Variants in ENG observed in about 807,000 individuals in gnomAD.
ENG encodes the protein CD105 antigen.
ENG carries 17 observed loss-of-function variants against 71.0 expected under a neutral mutation model. That is an observed-to-expected ratio of 0.24 (90% CI 0.16 to 0.36). The LOEUF (loss-of-function observed/expected upper bound fraction) is 0.36. Ranked by LOEUF, ENG falls within the 10% of genes least tolerant of loss-of-function variation. The pLI, the probability that ENG is intolerant of heterozygous loss-of-function variation, is 1.00. For synonymous variants in ENG, 360 were observed against 366.9 expected (o/e 0.98, Z 0.21); for missense variants, 749 against 868.3 (o/e 0.86, Z 1.73).
At position 127,836,273 on chromosome 9, in the gene ENG, G is replaced by A. The variant is rs758025761; in HGVS notation, c.220-6446C>T. ...CTGGCCAGCCCCTCACCCCCAGCCC[G>A]GCCAGCCTGCGCCTACCCAGCCCCC... On this transcript the variant is annotated intron_variant, in intron 2 of 14. Coordinates refer to ENST00000373203, the MANE Select transcript of ENG (RefSeq NM_001114753.3). This position sits in a 1 kb window ranked among gnomAD's most constrained non-coding sequence, Gnocchi z 4.0. 2.6e-5 allele frequency among the ~76,000 whole-genome samples: 4 copies of A among 152,174 alleles called. No homozygotes were observed. Among genetic ancestry groups the A allele is most frequent in the Non-Finnish European group, 5.9e-5 (4 of 68,022 alleles).
intron 13 of ENG, chr9:127,816,655 G>GA (rs1830324840): frequency 4.1e-6 from 1 of 246,822 alleles, no homozygotes; most frequent in Admixed American, 5.0e-5. Flanking sequence ...GGGTGGCAAA[G>GA]AGGTAGGTGC....
intron 1 of ENG, among the ~76,000 whole-genome samples, chr9:127,853,221 G>C (rs1270484573): frequency 6.6e-6 from 1 of 152,178 alleles, no homozygotes; most frequent in Non-Finnish European, 1.5e-5. Context: ...CAGAGCTTTA[G>C]AGACCCAGAA....
At chr9:127,842,581 C>T (rs1362351255) in intron 2 of ENG, among the ~76,000 whole-genome samples, 5 of 151,962 alleles carry the variant, frequency 3.3e-5, no homozygotes, top group Admixed American at 1.3e-4. Flanking sequence ...CTCACCACCA[C>T]GCCCAACTAA....
intron 10 of ENG, chr9:127,819,127 C>T (rs1458167286): frequency 3.7e-5 from 14 of 377,032 alleles, no homozygotes; most frequent in East Asian, 6.6e-5. Flanking sequence ...TTAGTAGATA[C>T]GGGGTTTCAC....
chr9:127,852,770 G>A (rs1251131710), intron 1 of ENG, among the ~76,000 whole-genome samples: 1 of 151,810 alleles, frequency 6.6e-6, no homozygotes, highest in African/African-American at 2.4e-5. Context: ...AAGTCAGCCG[G>A]GTGGGAGTAC....
intron 11 of ENG, 60 bp from the exon 12 acceptor site, chr9:127,818,437 CT>C (rs1404879254): frequency 6.2e-7 from 1 of 1,601,992 alleles, no homozygotes; most frequent in Non-Finnish European, 8.5e-7. Context: ...ACCCCACCTG[CT>C]GCCTTCAAAT....
intron 8 of ENG, chr9:127,822,535 T>C (rs41509551): frequency 6.6e-6 from 1 of 152,234 alleles, no homozygotes; most frequent in South Asian, 2.1e-4. Flanking sequence ...TTTTTGCATA[T>C]TTATAATACT....
chr9:127,837,774 G>GAATGCATCCATCCATC, intron 2 of ENG, among the ~76,000 whole-genome samples: 1 of 112,962 alleles, frequency 8.9e-6, no homozygotes, highest in African/African-American at 4.7e-5. Context: ...ATGCATGAAT[G>GAATGCATCCATCCATC]CATCCATCCA....
At position 127,826,662 on chromosome 9, in the gene ENG, A is replaced by G; in HGVS notation, c.371T>C (p.Leu124Pro). ...IPLHLAYNSSLVTFQEPPGVN... is the reference protein window; with the variant it reads ...IPLHLAYNSSPVTFQEPPGVN... ...CCCCGGGGGCTCTTGGAAGGTGACC[A>G]GGCTGGAATTCTGGGGAGACATGTG... The change falls in exon 4 of 15, where the codon CTG becomes CCG. Residue 124 changes from leucine (L) to proline (P), a missense_variant. By Grantham distance (98) the Leu-to-Pro change is moderately conservative. Transcript: ENST00000373203. The G allele has an allele frequency of 6.2e-7, 1 of 1,613,720 alleles. No homozygotes were observed. Among genetic ancestry groups the G allele is most frequent in the Non-Finnish European group, 8.5e-7 (1 of 1,179,984 alleles).
Position 127,854,175 on chromosome 9 carries a change from A to C in ENG, c.67+114T>G, listed in dbSNP as rs188217495. On this transcript the variant is annotated intron_variant, in intron 1 of 14. Coordinates refer to ENST00000373203, the MANE Select transcript of ENG (RefSeq NM_001114753.3). ...GGGTTGGTGACCCTCCAGAGCCCCAAGGATGGCTCTGCTGGGCGTGAGCTC... is the reference window on the plus strand; with the variant it reads ...GGGTTGGTGACCCTCCAGAGCCCCACGGATGGCTCTGCTGGGCGTGAGCTC... The C allele has an allele frequency of 8.1e-6, 9 of 1,107,294 alleles. No individual in the cohort carries two copies. In the African/African-American group the frequency reaches 1.2e-4, roughly 15 times the overall value. 68.6% of individuals were successfully genotyped at this position (1,107,294 alleles called of 1,614,324 possible). A position where few individuals can be genotyped will look rare whatever the true frequency, so the allele number is the denominator to read the frequency against.
At chr9:127,816,818 CCT>C (rs1468831013) in intron 13 of ENG, 5 of 441,972 alleles carry the variant, frequency 1.1e-5, no homozygotes, top group African/African-American at 1.0e-4. Flanking sequence ...CCTCAAAGGG[CCT>C]CTGTCTCACC....
rs1830946392 is a variant in ENG at position 127,838,066 on chromosome 9, A to G, written c.219+5028T>C. Among the ~76,000 whole-genome samples the G allele has an allele frequency of 6.6e-6, 1 of 152,148 alleles. No individual in the cohort carries two copies. Among genetic ancestry groups the G allele is most frequent in the African/African-American group, 2.4e-5 (1 of 41,420 alleles). ...AGGGTGCTCATGTGTCCACATGTGG[A>G]CAGCTCAGCCCGGATACCCAAACTC... On this transcript the variant is annotated intron_variant, in intron 2 of 14. Coordinates refer to ENST00000373203, the MANE Select transcript of ENG (RefSeq NM_001114753.3). This position sits in a 1 kb window ranked among gnomAD's most constrained non-coding sequence, Gnocchi z 4.3.
Position 127,819,666 on chromosome 9 carries a change from G to A in ENG, c.1273-6C>T, listed in dbSNP as rs1830425947. On this transcript the variant is annotated splice_region_variant and splice_polypyrimidine_tract_variant and intron_variant, in intron 9 of 14. Coordinates refer to ENST00000373203, the MANE Select transcript of ENG (RefSeq NM_001114753.3). ...GACAGGATATTGACCACCGCCTGCG[G>A]GGATAAAGCCAGGGAGCTGGTCAGA... The A allele has an allele frequency of 6.2e-7, 1 of 1,608,154 alleles. No homozygotes were observed. The highest frequency in any genetic ancestry group is 1.7e-5 in the Admixed American group (1 of 58,822).
intron 2 of ENG, among the ~76,000 whole-genome samples, chr9:127,839,454 G>A (rs992406668): frequency 2.0e-5 from 3 of 152,230 alleles, no homozygotes; most frequent in African/African-American, 4.8e-5. Context: ...AGAGCAGGGA[G>A]ACAAGAAGCA....
chr9:127,824,785 G>C lies in ENG; in HGVS notation c.991+15C>G. ...GGAGGGGAAGGGAAGGGAGGGGCAGGGGAAGGGTGCTCACCGCAGCTGGAG... is the reference window on the plus strand; with the variant it reads ...GGAGGGGAAGGGAAGGGAGGGGCAGCGGAAGGGTGCTCACCGCAGCTGGAG... On this transcript the variant is annotated intron_variant, in intron 7 of 14. Transcript: ENST00000373203. 1 of 1,539,096 alleles carries C rather than the reference G, an allele frequency of 6.5e-7. No homozygotes were observed. The highest frequency in any genetic ancestry group is 8.7e-7 in the Non-Finnish European group (1 of 1,143,764).
intron 2 of ENG, among the ~76,000 whole-genome samples, chr9:127,840,190 G>C (rs1025140053): frequency 2.0e-5 from 3 of 152,258 alleles, no homozygotes; most frequent in Non-Finnish European, 4.4e-5. Flanking sequence ...CGGAGCCACA[G>C]TTCAGCTGGA....
chr9:127,832,509 T>C (rs1487763438), intron 2 of ENG: 2 of 145,140 alleles, frequency 1.4e-5, no homozygotes, highest in African/African-American at 2.4e-5. Flanking sequence ...CATTTTTCTT[T>C]TCTTTTCACT....
Position 127,846,372 on chromosome 9 carries a change from G to A in ENG, c.68-3127C>T, listed in dbSNP as rs1286024061. ...AAGTCTCACAGCACATGGTTGACCA[G>A]GCCGGGCCTCGGACCCGCGTCTCCC... On this transcript the variant is annotated intron_variant, in intron 1 of 14. Coordinates refer to ENST00000373203, the MANE Select transcript of ENG (RefSeq NM_001114753.3). This position sits in a 1 kb window ranked among gnomAD's most constrained non-coding sequence, Gnocchi z 5.5. Among the ~76,000 whole-genome samples the A allele has an allele frequency of 6.6e-6, 1 of 152,192 alleles. No individual in the cohort carries two copies. Among genetic ancestry groups the A allele is most frequent in the Non-Finnish European group, 1.5e-5 (1 of 68,024 alleles).
At chr9:127,847,736 C>T (rs4837187) in intron 1 of ENG, among the ~76,000 whole-genome samples, 118,119 of 152,048 alleles carry the variant, frequency 0.78, 47,328 homozygotes, top group East Asian at 0.94. Context: ...AACAAGGGTC[C>T]TTCTTGCTGC....
Sources: allele counts gnomAD v4.1 joint callset (sites outside exome capture counted in the v4.1 genomes callset), GRCh38; gene constraint gnomAD v4.1.1; non-coding constraint Gnocchi (gnomAD v3.1); transcripts MANE v1.5; gene names NCBI Gene and HGNC (gene_info 2026-07-23, HGNC 2026-07-21).